SMARCAD1: variants seen among roughly 807,000 people sequenced by gnomAD.
SMARCAD1 encodes SNF2 related chromatin remodeling ATPase with DExD box 1.
In SMARCAD1, 25 loss-of-function variants were observed where a neutral mutation model predicts 127.1. That is an observed-to-expected ratio of 0.20 (90% CI 0.14 to 0.27). SMARCAD1 has a LOEUF of 0.27. Among genes scored for constraint, SMARCAD1 ranks in the 10% least tolerant of loss-of-function variants. SMARCAD1 has a pLI of 1.00. For synonymous variants in SMARCAD1, 400 were observed against 396.9 expected (o/e 1.01, Z -0.09); for missense variants, 807 against 1,206.0 (o/e 0.67, Z 4.90).
intron 16 of SMARCAD1, 36 bp from the exon 17 acceptor site, chr4:94,278,386 A>G (rs371260508): frequency 3.7e-5 from 57 of 1,530,438 alleles, no homozygotes; most frequent in East Asian, 3.2e-4. Flanking sequence ...ATTTAAGTGA[A>G]TAATTCCTAA....
At chr4:94,237,643 G>A (rs1229131329) in intron 5 of SMARCAD1, among the ~76,000 whole-genome samples, 4 of 151,656 alleles carry the variant, frequency 2.6e-5, no homozygotes. Flanking sequence ...ATATACACTG[G>A]CATACAACAC....
chr4:94,282,103 T>TTTTTG (rs1553921645), intron 21 of SMARCAD1, among the ~76,000 whole-genome samples: 1,804 of 45,716 alleles, frequency 0.039, 42 homozygotes, highest in Non-Finnish European at 0.064. Flanking sequence ...TTTTTTTGTT[T>TTTTTG]TTTTTTTTTT....
At chr4:94,232,836 T>C (rs993695995) in intron 3 of SMARCAD1, among the ~76,000 whole-genome samples, 3 of 151,312 alleles carry the variant, frequency 2.0e-5, no homozygotes, top group African/African-American at 7.3e-5. Flanking sequence ...AACACAAAAA[T>C]AGGTGTGGTG....
rs147595404 is a variant in SMARCAD1 at position 94,279,669 on chromosome 4, G to A, written c.2418+619G>A. Among the ~76,000 whole-genome samples the A allele has an allele frequency of 7.6e-3, 1,154 of 152,210 alleles. 7 individuals are homozygous for A. The highest frequency in any genetic ancestry group is 0.026 in the African/African-American group (1,078 of 41,536). ...CCTTACAGGTCATTTTGCCTACAAAGCCTAAAATATGATCTGGCCCTTTAC... is the reference window on the plus strand; with the variant it reads ...CCTTACAGGTCATTTTGCCTACAAAACCTAAAATATGATCTGGCCCTTTAC... On this transcript the variant is annotated intron_variant, in intron 19 of 23. Transcript: ENST00000354268.
At position 94,228,481 on chromosome 4, in the gene SMARCAD1, A is replaced by G. The variant is rs80144842; in HGVS notation, c.368+2185A>G. 1.5e-3 allele frequency among the ~76,000 whole-genome samples: 228 copies of G among 152,288 alleles called. 1 individual carries two copies. The highest frequency in any genetic ancestry group is 3.4e-3 in the Middle Eastern group (1 of 294). Reference sequence around the variant, plus strand: ...TACCAATTAACACTAGTACAGTACTATTATCTAATATACTTTTCATATTTC... The same window carrying G: ...TACCAATTAACACTAGTACAGTACTGTTATCTAATATACTTTTCATATTTC... On this transcript the variant is annotated intron_variant, in intron 3 of 23. Coordinates refer to ENST00000354268, the MANE Select transcript of SMARCAD1 (RefSeq NM_020159.5).
chr4:94,259,992 T>C lies in SMARCAD1; in HGVS notation c.1282-4715T>C, dbSNP rs186052685. 1.8e-4 allele frequency among the ~76,000 whole-genome samples: 28 copies of C among 152,298 alleles called. No individual in the cohort carries two copies. In the East Asian group the frequency reaches 4.1e-3, roughly 22 times the overall value. ...TCCAAGTAAGGTCCACTTATTAAGA[T>C]TGCTTGATAGGTCTTTTAATCTGTA... is the stretch of plus-strand genomic sequence containing the variant. On this transcript the variant is annotated intron_variant, in intron 9 of 23. Transcript: ENST00000354268.
intron 21 of SMARCAD1, among the ~76,000 whole-genome samples, chr4:94,282,700 T>C (rs1481610269): frequency 6.6e-6 from 1 of 151,636 alleles, no homozygotes; most frequent in Non-Finnish European, 1.5e-5. Context: ...GTAAAAGTAA[T>C]GTTTTTTTTT....
In SMARCAD1 at chr4:94,278,860, A is replaced by G. The variant is rs1753643816; in HGVS notation, c.2297-69A>G. On this transcript the variant is annotated intron_variant, in intron 18 of 23. Transcript: ENST00000354268. ...TGGAATTTGAGGAAATAATTTTAAA[A>G]CTTAGTTGATATATTTCAACAGTTA... is the stretch of plus-strand genomic sequence containing the variant. 1.0e-5 allele frequency: 16 copies of G among 1,605,622 alleles called. No homozygotes were observed. The South Asian group carries it at 1.7e-4, about 17-fold the overall frequency.
chr4:94,274,422 T>G (rs948253471), intron 12 of SMARCAD1, among the ~76,000 whole-genome samples: 10 of 152,150 alleles, frequency 6.6e-5, no homozygotes, highest in African/African-American at 2.4e-4. Context: ...GCCTCCCAGG[T>G]TCTCGTGCCT....
In SMARCAD1 at chr4:94,273,828, A is replaced by T. The variant is rs113679218; in HGVS notation, c.1672+112A>T. On this transcript the variant is annotated intron_variant, in intron 12 of 23. Transcript: ENST00000354268. ...GGTGTTGTGGTTTCTTAGTTTGTAG[A>T]GATGAATATTAATTTTATGGTCTCT... is the stretch of plus-strand genomic sequence containing the variant. 2,518 of 786,970 alleles carry T rather than the reference A, an allele frequency of 3.2e-3. 37 individuals carry two copies. In the African/African-American group the frequency reaches 0.036, roughly 11 times the overall value. 48.7% of individuals were successfully genotyped at this position (786,970 alleles called of 1,614,324 possible).
At chr4:94,234,487 C>T (rs995772424) in intron 4 of SMARCAD1, among the ~76,000 whole-genome samples, 10 of 152,212 alleles carry the variant, frequency 6.6e-5, no homozygotes, top group Middle Eastern at 6.8e-3. Context: ...ATTTAGTGCC[C>T]TGAAGCCAGC....
At chr4:94,247,553 A>G (rs1283269802) in intron 6 of SMARCAD1, among the ~76,000 whole-genome samples, 1 of 152,184 alleles carries the variant, frequency 6.6e-6, no homozygotes. Flanking sequence ...CATAAAATTA[A>G]CCATTTTAGA....
intron 3 of SMARCAD1, among the ~76,000 whole-genome samples, chr4:94,232,067 T>C (rs1350389377): frequency 2.0e-5 from 3 of 152,174 alleles, no homozygotes; most frequent in Non-Finnish European, 4.4e-5. Flanking sequence ...TTCACCATGT[T>C]AGCCAGGCTG....
chr4:94,291,002 A>G lies in SMARCAD1; in HGVS notation c.*1468A>G, dbSNP rs373371234. On this transcript the variant is annotated 3_prime_UTR_variant, in exon 24 of 24. Coordinates refer to ENST00000354268, the MANE Select transcript of SMARCAD1 (RefSeq NM_020159.5). ...ATGGTATATTGAACAGACTGAATAT[A>G]TTTTACCATTACAGGGCTAAAAGGA... The G allele has an allele frequency of 2.7e-4, 122 of 445,558 alleles. 2 individuals carry two copies. In the Middle Eastern group the frequency reaches 2.9e-3, roughly 11 times the overall value. The allele number at this position is 445,558 out of a possible 1,614,324, so 27.6% of individuals were successfully genotyped here.
chr4:94,225,086 T>C lies in SMARCAD1; in HGVS notation c.191-1033T>C, dbSNP rs181091774. ...GCAAAAGGGAAAATAATGTTGGAAT[T>C]TACCCCTTGGAGAGAAGAGATCTTG... On this transcript the variant is annotated intron_variant, in intron 2 of 23. Transcript: ENST00000354268. Among the ~76,000 whole-genome samples, 6 of 152,320 alleles carry C rather than the reference T, an allele frequency of 3.9e-5. No individual in the cohort carries two copies. In the East Asian group the frequency reaches 1.2e-3, roughly 29 times the overall value.
Position 94,208,005 on chromosome 4 carries a change from C to A in SMARCAD1, c.-115C>A. ...GGGGGCACGGTAGCACAGGGAGCTTCTCTTTGTGGGCGGGCGCGAGGCCCG... is the reference window on the plus strand; with the variant it reads ...GGGGGCACGGTAGCACAGGGAGCTTATCTTTGTGGGCGGGCGCGAGGCCCG... On this transcript the variant is annotated 5_prime_UTR_variant, in exon 1 of 24. Transcript: ENST00000354268. The A allele has an allele frequency of 5.0e-6, 2 of 399,650 alleles. No individual in the cohort carries two copies. The highest frequency in any genetic ancestry group is 9.9e-6 in the Non-Finnish European group (2 of 202,930). The allele number at this position is 399,650 out of a possible 1,614,324, so 24.8% of individuals were successfully genotyped here. A position where few individuals can be genotyped will look rare whatever the true frequency, so the allele number is the denominator to read the frequency against.
intron 14 of SMARCAD1, 40 bp from the exon 15 acceptor site, chr4:94,276,298 TA>T (rs1490732372): frequency 5.0e-6 from 8 of 1,611,454 alleles, no homozygotes; most frequent in African/African-American, 1.3e-5. Flanking sequence ...TCCAAGCTCT[TA>T]AAGGTATAAC....
In SMARCAD1 at chr4:94,283,214, A is replaced by G; in HGVS notation, c.2820A>G (p.Ser940=). 6.2e-7 allele frequency: 1 copy of G among 1,613,792 alleles called. No homozygotes were observed. The highest frequency in any genetic ancestry group is 8.5e-7 in the Non-Finnish European group (1 of 1,179,960). Residue 940 remains serine, a synonymous_variant, in exon 22 of 24, where the codon TCA becomes TCG. Coordinates refer to ENST00000354268, the MANE Select transcript of SMARCAD1 (RefSeq NM_020159.5). ...GTGGATTAGGAATAAATCTGACTTC[A>G]GCAAATGTTGTTATACTTCACGATA... ...KAGGLGINLT[S]ANVVILHDID...
chr4:94,223,832 C>T (rs945160819), intron 2 of SMARCAD1, among the ~76,000 whole-genome samples: 4 of 151,006 alleles, frequency 2.6e-5, no homozygotes, highest in East Asian at 2.0e-4. Context: ...CCGCCCACCT[C>T]GGCCTCCCAA....
Sources: gnomAD v4.1 joint callset for allele counts (sites outside exome capture counted in the v4.1 genomes callset) on GRCh38, gnomAD v4.1.1 for gene constraint, MANE v1.5 for transcripts, NCBI Gene and HGNC (gene_info 2026-07-23, HGNC 2026-07-21) for gene names.